MB21D2: variants seen among roughly 807,000 people sequenced by gnomAD.
MB21D2 encodes Mab-21 domain containing 2.
A neutral mutation model predicts 33.3 loss-of-function variants in MB21D2; 9 were observed. The ratio of observed to expected loss-of-function variants is 0.27; its 90% CI spans 0.16 to 0.47. The LOEUF (loss-of-function observed/expected upper bound fraction) is 0.47, where lower values mean the gene tolerates loss of function less well. Among genes scored for constraint, MB21D2 ranks in the 20% least tolerant of loss-of-function variants. The pLI, the probability that MB21D2 is intolerant of heterozygous loss-of-function variation, is 0.99. For synonymous variants in MB21D2, 241 were observed against 236.3 expected (o/e 1.02, Z -0.18); for missense variants, 540 against 624.6 (o/e 0.86, Z 1.44).
rs375565298 is a variant in MB21D2, at chr3:192,799,166, C to A, written c.696G>T (p.Leu232Phe). The A allele has an allele frequency of 6.2e-7, 1 of 1,614,192 alleles. No homozygotes were observed. Among genetic ancestry groups the A allele is most frequent in the South Asian group, 1.1e-5 (1 of 91,086 alleles). Reference protein sequence around the residue: ...IILGVGSSRMLYDIVPVVSFK... With the variant: ...IILGVGSSRMFYDIVPVVSFK... ...AAGATACCACAGGGACAATATCATA[C>A]AACATGCGACTACTCCCTACACCCA... The change falls in exon 2 of 2, where the codon TTG becomes TTT. Residue 232 changes from leucine to phenylalanine, a missense_variant. Leu to Phe is a conservative substitution (Grantham distance 22, BLOSUM62 0). Transcript: ENST00000392452. The surrounding 1 kb of genome is among the most constrained non-coding windows in gnomAD (Gnocchi z 4.1).
Position 192,889,974 on chromosome 3 carries a change from C to T in MB21D2, c.211+27656G>A, listed in dbSNP as rs535461589. The stretch of plus-strand genomic sequence containing the variant: ...ACGGTAGACACCAGAAATGACTTCA[C>T]TGTGAAGGACAGATTTCCAGAAATA... On this transcript the variant is annotated intron_variant, in intron 1 of 1. Coordinates refer to ENST00000392452, the MANE Select transcript of MB21D2 (RefSeq NM_178496.4). Among the ~76,000 whole-genome samples the T allele has an allele frequency of 1.7e-4, 26 of 152,172 alleles. No individual in the cohort carries two copies. The South Asian group carries it at 5.2e-3, about 30-fold the overall frequency.
chr3:192,864,980 C>T (rs1312917903), intron 1 of MB21D2, among the ~76,000 whole-genome samples: 3 of 152,152 alleles, frequency 2.0e-5, no homozygotes, highest in African/African-American at 7.2e-5. Flanking sequence ...GATGAAAAAC[C>T]AGACAGAAGA....
At chr3:192,863,387 T>A (rs1381589981) in intron 1 of MB21D2, among the ~76,000 whole-genome samples, 1 of 152,178 alleles carries the variant, frequency 6.6e-6, no homozygotes, top group African/African-American at 2.4e-5. Context: ...TCGGTGACAT[T>A]CTGTCTATAT....
intron 1 of MB21D2, among the ~76,000 whole-genome samples, chr3:192,884,436 G>A (rs1249269924): frequency 6.6e-6 from 1 of 151,620 alleles, no homozygotes; most frequent in East Asian, 1.9e-4. Flanking sequence ...GCGCGATCTA[G>A]GCTCACTGCA....
At chr3:192,890,528 A>G (rs1016185427) in intron 1 of MB21D2, among the ~76,000 whole-genome samples, 5 of 151,742 alleles carry the variant, frequency 3.3e-5, no homozygotes, top group African/African-American at 7.3e-5. Context: ...TTCCCACATG[A>G]TAATTTTCTA....
At chr3:192,911,792 T>C (rs1335059429) in intron 1 of MB21D2, among the ~76,000 whole-genome samples, 1 of 152,088 alleles carries the variant, frequency 6.6e-6, no homozygotes, top group Non-Finnish European at 1.5e-5. Context: ...CAATCCAAAC[T>C]AGCACAAAAA....
At chr3:192,832,567 G>A (rs1037538823) in intron 1 of MB21D2, among the ~76,000 whole-genome samples, 2 of 152,170 alleles carry the variant, frequency 1.3e-5, no homozygotes, top group Middle Eastern at 3.2e-3. Context: ...TGAGGCGGGC[G>A]GATCACGAGG....
intron 1 of MB21D2, among the ~76,000 whole-genome samples, chr3:192,806,749 A>G (rs1464975156): frequency 6.6e-6 from 1 of 152,222 alleles, no homozygotes; most frequent in Non-Finnish European, 1.5e-5. Context: ...TTTACTAATC[A>G]TCTAAAAGAT....
At chr3:192,820,471 A>G (rs934542144) in intron 1 of MB21D2, among the ~76,000 whole-genome samples, 1 of 152,198 alleles carries the variant, frequency 6.6e-6, no homozygotes, top group Non-Finnish European at 1.5e-5. Context: ...TGTTAAAATG[A>G]TTAGAAAGAA....
At chr3:192,897,431 A>G (rs1714003409) in intron 1 of MB21D2, among the ~76,000 whole-genome samples, 1 of 152,160 alleles carries the variant, frequency 6.6e-6, no homozygotes, top group Admixed American at 6.5e-5. Flanking sequence ...TTTTACCAGT[A>G]ACTTGCCATA....
At chr3:192,900,952 A>G (rs1714086659) in intron 1 of MB21D2, among the ~76,000 whole-genome samples, 1 of 151,806 alleles carries the variant, frequency 6.6e-6, no homozygotes, top group African/African-American at 2.4e-5. Flanking sequence ...AAAAAAAAAA[A>G]GACTTGTTGC....
intron 1 of MB21D2, among the ~76,000 whole-genome samples, chr3:192,876,470 T>C (rs961168640): frequency 2.6e-5 from 4 of 152,232 alleles, no homozygotes; most frequent in African/African-American, 4.8e-5. Flanking sequence ...TCCTGGACTA[T>C]TGCAACACTT....
At chr3:192,818,744 A>G (rs931080903) in intron 1 of MB21D2, among the ~76,000 whole-genome samples, 2 of 150,806 alleles carry the variant, frequency 1.3e-5, no homozygotes, top group African/African-American at 2.4e-5. Flanking sequence ...TATGGTCATA[A>G]CTCTGCTTTT....
intron 1 of MB21D2, among the ~76,000 whole-genome samples, chr3:192,849,464 T>C (rs1344168802): frequency 6.6e-6 from 1 of 151,946 alleles, no homozygotes; most frequent in Non-Finnish European, 1.5e-5. Context: ...ATTACAGGCA[T>C]GTGCCACCAC....
intron 1 of MB21D2, among the ~76,000 whole-genome samples, chr3:192,829,084 C>T (rs1032809872): frequency 9.2e-5 from 14 of 152,200 alleles, no homozygotes; most frequent in Non-Finnish European, 1.9e-4. Flanking sequence ...TAATCCCCTT[C>T]CCAGCCCCCA....
intron 1 of MB21D2, among the ~76,000 whole-genome samples, chr3:192,800,373 C>G (rs1711531308): frequency 6.6e-6 from 1 of 152,132 alleles, no homozygotes; most frequent in African/African-American, 2.4e-5. Context: ...AGCTACCACG[C>G]CCAGTCTTGT....
At chr3:192,811,854 C>CCTTA (rs1274563806) in intron 1 of MB21D2, among the ~76,000 whole-genome samples, 4 of 152,064 alleles carry the variant, frequency 2.6e-5, no homozygotes, top group Non-Finnish European at 4.4e-5. Flanking sequence ...TTCAAACAGA[C>CCTTA]CTTACTTATA....
intron 1 of MB21D2, among the ~76,000 whole-genome samples, chr3:192,895,965 G>C (rs1472333735): frequency 1.3e-5 from 2 of 152,136 alleles, no homozygotes; most frequent in African/African-American, 4.8e-5. Flanking sequence ...ACAACTTTAT[G>C]CTACTTCTCT....
At chr3:192,819,987 T>G (rs1430178364) in intron 1 of MB21D2, among the ~76,000 whole-genome samples, 4 of 152,114 alleles carry the variant, frequency 2.6e-5, no homozygotes, top group African/African-American at 9.7e-5. Context: ...GGTAGGGGAA[T>G]CAGCTCCTCT....
Sources: allele counts gnomAD v4.1 joint callset (sites outside exome capture counted in the v4.1 genomes callset), GRCh38; gene constraint gnomAD v4.1.1; non-coding constraint Gnocchi (gnomAD v3.1); transcripts MANE v1.5; gene names NCBI Gene and HGNC (gene_info 2026-07-23, HGNC 2026-07-21).